The following CTIF variants were observed in gnomAD, a reference collection of about 807,000 sequenced individuals.
The protein encoded by CTIF is cap binding complex dependent translation initiation factor, also known as CBP80/20-dependent translation initiation factor.
In CTIF, 21 loss-of-function variants were observed where a neutral mutation model predicts 66.0. That is an observed-to-expected ratio of 0.32 (90% CI 0.23 to 0.46). The LOEUF is 0.46. Among genes scored for constraint, CTIF ranks in the 20% least tolerant of loss-of-function variants. The pLI is 1.00. For missense variants in CTIF, 739 were observed against 812.7 expected (o/e 0.91, Z 1.10); for synonymous variants, 345 against 326.4 (o/e 1.06, Z -0.62).
At chr18:48,735,021 T>C (rs961437629) in intron 7 of CTIF, among the ~76,000 whole-genome samples, 36 of 152,258 alleles carry the variant, frequency 2.4e-4, no homozygotes, top group African/African-American at 8.4e-4. Flanking sequence ...ATTGCATGTG[T>C]GCAATATGTG....
Position 48,859,439 on chromosome 18 carries a change from G to C in CTIF, c.1677G>C (p.Glu559Asp). The C allele has an allele frequency of 1.9e-6, 3 of 1,614,174 alleles. No individual in the cohort carries two copies. The highest frequency in any genetic ancestry group is 2.5e-6 in the Non-Finnish European group (3 of 1,180,028). Residue 559 changes from glutamate to aspartate, a missense_variant, in exon 12 of 12, where the codon GAG (glutamate) becomes GAC (aspartate). Around this residue, in one of 2 missense-constraint regions of CTIF, gnomAD observed 210 missense variants for 292.3 expected, o/e 0.72. Coordinates refer to ENST00000256413, the MANE Select transcript of CTIF (RefSeq NM_014772.3). ...SARDKMLCPS[E>D]SMLTRSLLLE... ...GGGACAAGATGCTGTGCCCCTCGGA[G>C]TCCATGCTGACCCGGTCGCTGCTCC...
chr18:48,747,777 T>G (rs1598970396), intron 7 of CTIF, among the ~76,000 whole-genome samples: 1 of 149,312 alleles, frequency 6.7e-6, no homozygotes, highest in African/African-American at 2.5e-5. Context: ...AATTAGCCAG[T>G]CATGATGTCA....
intron 1 of CTIF, among the ~76,000 whole-genome samples, chr18:48,560,649 C>T (rs2089136768): frequency 6.6e-6 from 1 of 152,200 alleles, no homozygotes; most frequent in Non-Finnish European, 1.5e-5. Context: ...CAGCTCACTG[C>T]AACCTCCGCC....
chr18:48,673,419 T>G (rs2091569591), intron 6 of CTIF, among the ~76,000 whole-genome samples: 1 of 139,480 alleles, frequency 7.2e-6, no homozygotes, highest in Admixed American at 7.8e-5. Flanking sequence ...GTGTGATTTC[T>G]GAGACACATT....
At chr18:48,655,697 TGGC>T (rs1400014920) in intron 3 of CTIF, among the ~76,000 whole-genome samples, 1 of 152,168 alleles carries the variant, frequency 6.6e-6, no homozygotes, top group Non-Finnish European at 1.5e-5. Context: ...GGCTGAGGGC[TGGC>T]CACCTCTGCC....
intron 9 of CTIF, among the ~76,000 whole-genome samples, chr18:48,794,563 C>G (rs1011804318): frequency 6.6e-6 from 1 of 152,164 alleles, no homozygotes; most frequent in African/African-American, 2.4e-5. Flanking sequence ...CAGTAGCCAA[C>G]TGCCTGAGGT....
chr18:48,859,304 G>A, intron 11 of CTIF, 40 bp from the exon 12 acceptor site: 1 of 1,582,768 alleles, frequency 6.3e-7, no homozygotes, highest in South Asian at 1.1e-5. Context: ...GGGCCACTGT[G>A]GGACCCGAGG....
chr18:48,548,440 T>C (rs2088806913), intron 1 of CTIF, among the ~76,000 whole-genome samples: 1 of 152,260 alleles, frequency 6.6e-6, no homozygotes, highest in Non-Finnish European at 1.5e-5. Flanking sequence ...TTTATCTGTC[T>C]CCGGTATCTA....
intron 1 of CTIF, among the ~76,000 whole-genome samples, chr18:48,586,269 A>G (rs916204266): frequency 2.1e-5 from 3 of 145,102 alleles, no homozygotes; most frequent in Non-Finnish European, 4.5e-5. Flanking sequence ...TCCTTTCCAC[A>G]CTTTTACTTT....
In CTIF at chr18:48,824,272, G is replaced by A. The variant is rs186348599; in HGVS notation, c.1527+6896G>A. ...AACATCCCATGAGCATTTTATAATA[G>A]CATTCTAAGGACCTCTTTCTCCTGC... On this transcript the variant is annotated intron_variant, in intron 10 of 11. Coordinates refer to ENST00000256413, the MANE Select transcript of CTIF (RefSeq NM_014772.3). 4.2e-3 allele frequency among the ~76,000 whole-genome samples: 633 copies of A among 152,266 alleles called. 5 individuals carry two copies. Among genetic ancestry groups the A allele is most frequent in the African/African-American group, 0.015 (604 of 41,562 alleles).
At chr18:48,593,884 T>C (rs1285639703) in intron 1 of CTIF, among the ~76,000 whole-genome samples, 1 of 152,166 alleles carries the variant, frequency 6.6e-6, no homozygotes, top group Admixed American at 6.5e-5. Flanking sequence ...GGCCCAGTGA[T>C]GCTGGGAACC....
At chr18:48,570,441 C>T (rs1246549885) in intron 1 of CTIF, among the ~76,000 whole-genome samples, 1 of 152,160 alleles carries the variant, frequency 6.6e-6, no homozygotes, top group Non-Finnish European at 1.5e-5. Flanking sequence ...ACTAACAGTC[C>T]CTCTGGTCAG....
chr18:48,607,914 T>C (rs767999151), intron 1 of CTIF, among the ~76,000 whole-genome samples: 7 of 152,140 alleles, frequency 4.6e-5, no homozygotes, highest in Non-Finnish European at 8.8e-5. Flanking sequence ...GCAATGACCT[T>C]GCATATTTCT....
intron 7 of CTIF, among the ~76,000 whole-genome samples, chr18:48,718,944 G>C (rs2092307832): frequency 6.6e-6 from 1 of 152,156 alleles, no homozygotes; most frequent in African/African-American, 2.4e-5. Context: ...CTCAGCGTCT[G>C]ACAGATGCGG....
Position 48,758,287 on chromosome 18 carries a change from G to C in CTIF, c.953G>C (p.Gly318Ala), listed in dbSNP as rs200224776. 1 of 1,613,380 alleles carries C rather than the reference G, an allele frequency of 6.2e-7. No homozygotes were observed. Among genetic ancestry groups the C allele is most frequent in the Non-Finnish European group, 8.5e-7 (1 of 1,179,894 alleles). The change falls in exon 8 of 12, where the codon GGG becomes GCG. Residue 318 changes from glycine to alanine, a missense_variant. Around this residue, in one of 2 missense-constraint regions of CTIF, gnomAD observed 529 missense variants for 520.3 expected, o/e 1.02. Coordinates refer to ENST00000256413, the MANE Select transcript of CTIF (RefSeq NM_014772.3). ...SERLPPQQSG[G>A]PEVETKRKDS... ...CGGCTGCCCCCACAGCAGTCAGGGG[G>C]GCCAGAGGTTGAGACAAAACGTAAA...
intron 1 of CTIF, among the ~76,000 whole-genome samples, chr18:48,603,487 G>GGA (rs2090140249): frequency 2.3e-5 from 2 of 86,528 alleles, no homozygotes; most frequent in African/African-American, 5.6e-5. Flanking sequence ...GGGTGGGTGG[G>GGA]TGGGTGGGTG....
intron 9 of CTIF, among the ~76,000 whole-genome samples, chr18:48,766,707 G>A (rs1191362553): frequency 1.3e-5 from 2 of 152,216 alleles, no homozygotes; most frequent in Non-Finnish European, 2.9e-5. Flanking sequence ...TACCTGCCAG[G>A]TGTTGGGCTC....
intron 6 of CTIF, among the ~76,000 whole-genome samples, chr18:48,685,000 G>T (rs1598866622): frequency 6.7e-6 from 1 of 149,730 alleles, no homozygotes; most frequent in South Asian, 2.1e-4. Flanking sequence ...GATAGCTAAA[G>T]AAAAAGTTTT....
intron 10 of CTIF, among the ~76,000 whole-genome samples, chr18:48,820,168 G>A (rs2068453028): frequency 6.6e-6 from 1 of 152,168 alleles, no homozygotes; most frequent in African/African-American, 2.4e-5. Flanking sequence ...CTTTCCAGGA[G>A]AAATCTTGGC....
Sources: allele counts gnomAD v4.1 joint callset (sites outside exome capture counted in the v4.1 genomes callset), GRCh38; gene constraint gnomAD v4.1.1; regional missense constraint gnomAD v4.1.1; transcripts MANE v1.5; gene names NCBI Gene and HGNC (gene_info 2026-07-23, HGNC 2026-07-21).